Variants in DPH6 observed in about 807,000 individuals in gnomAD.
DPH6 encodes diphthine--ammonia ligase.
Under a neutral mutation model 38.2 loss-of-function variants are expected in DPH6, and 33 were observed. The observed-to-expected ratio is 0.86, with a 90% CI of 0.65 to 1.15. The LOEUF is 1.15. DPH6 is among the 50% of genes most tolerant of loss of function. DPH6 has a pLI of 0.00. For synonymous variants in DPH6, 108 were observed against 103.0 expected (o/e 1.05, Z -0.30); for missense variants, 325 against 320.0 (o/e 1.02, Z -0.12).
intron 3 of DPH6, among the ~76,000 whole-genome samples, chr15:35,478,685 AAATT>A (rs2054292143): frequency 6.6e-6 from 1 of 151,956 alleles, no homozygotes; most frequent in Non-Finnish European, 1.5e-5. Context: ...ACAAGATACT[AAATT>A]AATTAAGAAA....
the DPH6 span, among the ~76,000 whole-genome samples, chr15:35,209,785 C>T: frequency 6.6e-6 from 1 of 152,288 alleles, no homozygotes; most frequent in East Asian, 1.9e-4. Flanking sequence ...CGAGGCAGAA[C>T]ACAACAGCTC....
chr15:35,328,726 A>G (rs1233101961), downstream of DPH6, among the ~76,000 whole-genome samples: 1 of 152,230 alleles, frequency 6.6e-6, no homozygotes, highest in African/African-American at 2.4e-5. Context: ...AAATAATGTC[A>G]TTAGTCCAAA....
intron 5 of DPH6, among the ~76,000 whole-genome samples, chr15:35,412,268 A>T (rs897518322): frequency 1.3e-5 from 2 of 151,742 alleles, no homozygotes; most frequent in African/African-American, 4.8e-5. Flanking sequence ...TCACCAGAGA[A>T]ATGCAAATAA....
At chr15:35,330,423 G>C (rs948822904), downstream of DPH6, among the ~76,000 whole-genome samples, 16 of 152,118 alleles carry the variant, frequency 1.1e-4, no homozygotes, top group Admixed American at 5.2e-4. Flanking sequence ...TCAATATCTT[G>C]TAAGAGGGGC....
intron 5 of DPH6, among the ~76,000 whole-genome samples, chr15:35,420,965 T>G (rs1395990296): frequency 2.0e-5 from 3 of 152,238 alleles, no homozygotes; most frequent in East Asian, 3.9e-4. Context: ...CATAAGACAC[T>G]ACTTATAAAC....
At chr15:35,236,788 C>A (rs913557347) in intron 3 of DPH6, among the ~76,000 whole-genome samples, 1 of 152,052 alleles carries the variant, frequency 6.6e-6, no homozygotes, top group Non-Finnish European at 1.5e-5. Context: ...TAGTTTAGAT[C>A]ATCACCAGTA....
At chr15:35,484,591 T>G (rs1260728739) in intron 3 of DPH6, among the ~76,000 whole-genome samples, 2 of 152,184 alleles carry the variant, frequency 1.3e-5, no homozygotes, top group Non-Finnish European at 2.9e-5. Flanking sequence ...TCGGGAAGCT[T>G]ACAATATGGC....
chr15:35,218,362 G>A (rs2051422099), exon 4 of DPH6: 1 of 152,246 alleles, frequency 6.6e-6, no homozygotes, highest in African/African-American at 2.4e-5. Context: ...GGGTCTGAAT[G>A]ACTGTTGCCC....
chr15:35,198,601 C>A, the DPH6 span, among the ~76,000 whole-genome samples: 1 of 152,152 alleles, frequency 6.6e-6, no homozygotes, highest in Non-Finnish European at 1.5e-5. Context: ...AGCAATCTGG[C>A]TATTCTTTCC....
At chr15:35,196,196 T>C in the DPH6 span, among the ~76,000 whole-genome samples, 1 of 152,206 alleles carries the variant, frequency 6.6e-6, no homozygotes, top group South Asian at 2.1e-4. Context: ...GTATTAATGA[T>C]AACATTGTGC....
At chr15:35,418,444 T>C (rs1340987642) in intron 5 of DPH6, among the ~76,000 whole-genome samples, 1 of 152,092 alleles carries the variant, frequency 6.6e-6, no homozygotes, top group Non-Finnish European at 1.5e-5. Flanking sequence ...CATTTCATCA[T>C]GTCATACAGA....
chr15:35,206,652 TA>T, the DPH6 span, among the ~76,000 whole-genome samples: 1 of 152,194 alleles, frequency 6.6e-6, no homozygotes, highest in Non-Finnish European at 1.5e-5. Flanking sequence ...GAAAGAGAAA[TA>T]CCCACCACAT....
chr15:35,517,503 T>C (rs1205135268), intron 3 of DPH6, among the ~76,000 whole-genome samples: 1 of 152,156 alleles, frequency 6.6e-6, no homozygotes, highest in Non-Finnish European at 1.5e-5. Context: ...ACATATTTCT[T>C]ACTGTAACTG....
intron 3 of DPH6, among the ~76,000 whole-genome samples, chr15:35,359,911 T>C (rs2052599402): frequency 6.6e-6 from 1 of 152,176 alleles, no homozygotes; most frequent in Non-Finnish European, 1.5e-5. Context: ...ATTCATGTAT[T>C]GTCTTCCTGG....
At chr15:35,309,825 T>C (rs974133420) in intron 3 of DPH6, among the ~76,000 whole-genome samples, 13 of 152,218 alleles carry the variant, frequency 8.5e-5, no homozygotes, top group African/African-American at 2.9e-4. Flanking sequence ...GACTTTTAAG[T>C]GCCTGGCACA....
intron 5 of DPH6, among the ~76,000 whole-genome samples, chr15:35,419,149 G>C (rs2053473648): frequency 6.6e-6 from 1 of 151,456 alleles, no homozygotes; most frequent in South Asian, 2.1e-4. Context: ...AGAACAAGTA[G>C]ATACCATTTT....
chr15:35,146,180 T>C, the DPH6 span, among the ~76,000 whole-genome samples: 32 of 152,146 alleles, frequency 2.1e-4, 3 homozygotes, highest in Admixed American at 8.5e-4. Flanking sequence ...CAATAACATA[T>C]TAGTTGAAAG....
chr15:35,523,991 G>T (rs997821387), intron 3 of DPH6, among the ~76,000 whole-genome samples: 1 of 147,884 alleles, frequency 6.8e-6, no homozygotes, highest in Non-Finnish European at 1.5e-5. Flanking sequence ...ACAGATCGTG[G>T]TTTTTTTTTT....
At chr15:35,391,918 C>T (rs187444527) in intron 6 of DPH6, among the ~76,000 whole-genome samples, 84 of 152,328 alleles carry the variant, frequency 5.5e-4, no homozygotes, top group African/African-American at 1.9e-3. Context: ...AGAAATCACC[C>T]GTCTTCTGCG....
Sources: gnomAD v4.1 joint callset for allele counts (sites outside exome capture counted in the v4.1 genomes callset) on GRCh38, gnomAD v4.1.1 for gene constraint, MANE v1.5 for transcripts, NCBI Gene and HGNC (gene_info 2026-07-23, HGNC 2026-07-21) for gene names.